The following CDC42BPG variants were observed in gnomAD, a reference collection of about 807,000 sequenced individuals.
CDC42BPG encodes the protein CDC42 binding protein kinase gamma.
Under a neutral mutation model 192.2 loss-of-function variants are expected in CDC42BPG, and 157 were observed. That is an observed-to-expected ratio of 0.82 (90% confidence interval 0.72 to 0.93). CDC42BPG has a LOEUF of 0.93. CDC42BPG is among the 40% of genes least tolerant of loss of function. CDC42BPG has a pLI of 0.00. For missense variants in CDC42BPG, 1,992 were observed against 2,122.1 expected (o/e 0.94, Z 1.20); for synonymous variants, 981 against 918.5 (o/e 1.07, Z -1.23).
chr11:64,841,994 G>C, intron 1 of CDC42BPG, 90 bp from the exon 2 acceptor site: 2 of 1,069,384 alleles, frequency 1.9e-6, no homozygotes, highest in Non-Finnish European at 2.8e-6. Context: ...TGCCGCTCCT[G>C]TGAGCCCAGG....
intron 31 of CDC42BPG, 37 bp from the exon 32 acceptor site, chr11:64,827,648 A>AC: frequency 1.9e-6 from 3 of 1,603,478 alleles, no homozygotes; most frequent in South Asian, 1.1e-5. Flanking sequence ...CCACGCCTCC[A>AC]CCCCCGGCGC....
At position 64,827,398 on chromosome 11, in the gene CDC42BPG, T is replaced by C; in HGVS notation, c.4151A>G (p.Glu1384Gly). The C allele has an allele frequency of 6.2e-7, 1 of 1,613,102 alleles. No individual in the cohort carries two copies. The highest frequency in any genetic ancestry group is 8.5e-7 in the Non-Finnish European group (1 of 1,179,122). ...RLTYLRNQLA[E>G]KDEFDIPDLT... ...GTCCGGGATGTCGAACTCGTCCTTC[T>C]CTGTGGGAGAAGTGGAGAGCTGGGC... is the stretch of plus-strand genomic sequence containing the variant. Residue 1384 changes from glutamate (E) to glycine (G), a missense_variant and splice_region_variant, in exon 33 of 37, where the codon GAG becomes GGG. This residue lies in a region of CDC42BPG where 336 missense variants were observed against 277.9 expected (regional missense o/e 1.21). Transcript: ENST00000342711.
In CDC42BPG at chr11:64,824,345, G is replaced by C; in HGVS notation, c.*128C>G. The C allele has an allele frequency of 1.3e-6, 1 of 786,018 alleles. No individual in the cohort carries two copies. Among genetic ancestry groups the C allele is most frequent in the Non-Finnish European group, 2.3e-6 (1 of 432,230 alleles). The allele number at this position is 786,018 out of a possible 1,614,324, so 48.7% of individuals were successfully genotyped here. On this transcript the variant is annotated 3_prime_UTR_variant, in exon 37 of 37. Coordinates refer to ENST00000342711, the MANE Select transcript of CDC42BPG (RefSeq NM_017525.3). ...AACCCAGGCAAGTCTCCCAGTCATT[G>C]CCCAGCCCGGGTCCTCCCTGAGTCC...
rs1392382017 is a variant in CDC42BPG at position 64,830,044 on chromosome 11, G to A, written c.3394C>T (p.Arg1132Cys). 1.9e-6 allele frequency: 3 copies of A among 1,612,490 alleles called. No homozygotes were observed. Among genetic ancestry groups the A allele is most frequent in the South Asian group, 1.1e-5 (1 of 91,074 alleles). ...NDIFQVGECR[R>C]VQQLTLSPSA... The stretch of plus-strand genomic sequence containing the variant: ...GGGCTCAAGGTCAGCTGCTGCACGC[G>A]CCGGCACTCCCCCACCTGGAAGATG... Residue 1132 changes from arginine (R) to cysteine (C), a missense_variant, in exon 30 of 37, where the codon CGC (arginine) becomes TGC (cysteine). This residue lies in a region of CDC42BPG where 1,656 missense variants were observed against 1,844.3 expected (regional missense o/e 0.90). Transcript: ENST00000342711.
Position 64,829,861 on chromosome 11 carries a change from G to C in CDC42BPG, c.3577C>G (p.Pro1193Ala). The C allele has an allele frequency of 6.2e-7, 1 of 1,608,136 alleles. No individual in the cohort carries two copies. Among genetic ancestry groups the C allele is most frequent in the Non-Finnish European group, 8.5e-7 (1 of 1,178,246 alleles). ...CGCTTGACGGCTACACAGAGCACCG[G>C]GGTGCGGGCCTGCAGGATGCTTCCA... ...AAGSILQART[P>A]VLCVAVKRQV... The change falls in exon 30 of 37, where the codon CCG (proline) becomes GCG (alanine). Residue 1193 changes from proline (P) to alanine (A), a missense_variant. Pro to Ala is a conservative substitution (Grantham distance 27). Around this residue, in one of 2 missense-constraint regions of CDC42BPG, gnomAD observed 1,656 missense variants for 1,844.3 expected, o/e 0.90. Transcript: ENST00000342711.
intron 36 of CDC42BPG, 77 bp from the exon 37 acceptor site, chr11:64,824,606 G>A: frequency 1.0e-6 from 1 of 974,280 alleles, no homozygotes; most frequent in East Asian, 2.4e-5. Flanking sequence ...GGGTCCTGGA[G>A]GCCCCCTTAG....
At chr11:64,830,790 T>C (rs1942649657) in intron 28 of CDC42BPG, among the ~76,000 whole-genome samples, 1 of 152,206 alleles carries the variant, frequency 6.6e-6, no homozygotes, top group Admixed American at 6.5e-5. Context: ...GGTTCAAGGC[T>C]GAGCACAAGT....
rs553574379 is a variant in CDC42BPG, at chr11:64,835,978, C to CGTCCCA, written c.1668+133_1669-128dup. The CGTCCCA allele has an allele frequency of 3.6e-4, 469 of 1,300,736 alleles. 1 individual carries two copies. In the African/African-American group the frequency reaches 6.3e-3, roughly 17 times the overall value. 80.6% of individuals were successfully genotyped at this position (1,300,736 alleles called of 1,614,324 possible). A position where few individuals can be genotyped will look rare whatever the true frequency, so the allele number is the denominator to read the frequency against. On this transcript the variant is annotated intron_variant, in intron 13 of 36. Coordinates refer to ENST00000342711, the MANE Select transcript of CDC42BPG (RefSeq NM_017525.3). ...GGAGGCATGGACTCCCAGACTGCCCCGTCCCAGCCACCATCCCCTGGCCTA... is the reference window on the plus strand; with the variant it reads ...GGAGGCATGGACTCCCAGACTGCCCCGTCCCAGTCCCAGCCACCATCCCCTGGCCTA...
chr11:64,829,696 G>C lies in CDC42BPG; in HGVS notation c.3742C>G (p.Leu1248Val). Reference sequence around the variant, plus strand: ...GCAGCCTCGTTGAGCAGCGGGTAGAGTGCAAAGCCACCGGCGGCGCCCACA... The same window carrying C: ...GCAGCCTCGTTGAGCAGCGGGTAGACTGCAAAGCCACCGGCGGCGCCCACA... ...LCVGAAGGFA[L>V]YPLLNEAAPL... The change falls in exon 30 of 37, where the codon CTC becomes GTC. Residue 1248 changes from leucine to valine, a missense_variant. Coordinates refer to ENST00000342711, the MANE Select transcript of CDC42BPG (RefSeq NM_017525.3). 1 of 1,611,412 alleles carries C rather than the reference G, an allele frequency of 6.2e-7. No individual in the cohort carries two copies. Among genetic ancestry groups the C allele is most frequent in the Middle Eastern group, 1.7e-4 (1 of 6,036 alleles).
Position 64,833,808 on chromosome 11 carries a change from G to A in CDC42BPG, c.2495C>T (p.Ser832Leu). 6.2e-7 allele frequency: 1 copy of A among 1,614,250 alleles called. No individual in the cohort carries two copies. The highest frequency in any genetic ancestry group is 8.5e-7 in the Non-Finnish European group (1 of 1,180,034). ...TCCTCCATGCCTTGTGGCCTCTCCT[G>A]AGATGCCAGGGTCCTTGGCAGAATC... ...EKDSAKDPGISGEATRHGGEP... is the reference protein window; with the variant it reads ...EKDSAKDPGILGEATRHGGEP... The change falls in exon 22 of 37, where the codon TCA becomes TTA. Residue 832 changes from serine to leucine, a missense_variant. This residue lies in a region of CDC42BPG where 1,656 missense variants were observed against 1,844.3 expected (regional missense o/e 0.90). Coordinates refer to ENST00000342711, the MANE Select transcript of CDC42BPG (RefSeq NM_017525.3).
In CDC42BPG at chr11:64,834,341, C is replaced by A. The variant is rs374587245; in HGVS notation, c.2338G>T (p.Ala780Ser). 10 of 1,572,568 alleles carry A rather than the reference C, an allele frequency of 6.4e-6. No individual in the cohort carries two copies. The Admixed American group carries it at 7.3e-5, about 11-fold the overall frequency. Residue 780 changes from alanine (A) to serine (S), a missense_variant, in exon 20 of 37, where the codon GCC (alanine) becomes TCC (serine). Coordinates refer to ENST00000342711, the MANE Select transcript of CDC42BPG (RefSeq NM_017525.3). Reference protein sequence around the residue: ...QLQAERRLQEAEKQSQALQQE... With the variant: ...QLQAERRLQESEKQSQALQQE... The stretch of plus-strand genomic sequence containing the variant: ...TGCAGGGCCTGGCTCTGCTTCTCGG[C>A]CTCCTGCAGACGGCTGGGGAGAATG...
At position 64,826,399 on chromosome 11, in the gene CDC42BPG, C is replaced by T. The variant is rs555841078; in HGVS notation, c.4599+71G>A. The T allele has an allele frequency of 2.3e-4, 243 of 1,069,428 alleles. 1 individual carries two copies. Among genetic ancestry groups the T allele is most frequent in the Middle Eastern group, 4.0e-4 (2 of 5,060 alleles). 66.2% of individuals were successfully genotyped at this position (1,069,428 alleles called of 1,614,324 possible). On this transcript the variant is annotated intron_variant, in intron 36 of 36. Transcript: ENST00000342711. ...TTGTTCCCTAGCCTAGGTCACTGTG[C>T]AAGGCCTAGCATAAAACGGAACTGC...
At chr11:64,826,841 G>A (rs757443824) in intron 34 of CDC42BPG, 47 bp from the exon 35 acceptor site, 2 of 1,466,628 alleles carry the variant, frequency 1.4e-6, no homozygotes, top group South Asian at 1.4e-5. Flanking sequence ...GGCACAAGGA[G>A]GACAAGAGGC....
chr11:64,837,028 G>A lies in CDC42BPG; in HGVS notation c.1206-9C>T, dbSNP rs576282271. The A allele has an allele frequency of 3.1e-6, 5 of 1,607,434 alleles. No individual in the cohort carries two copies. Among genetic ancestry groups the A allele is most frequent in the Non-Finnish European group, 4.3e-6 (5 of 1,174,552 alleles). On this transcript the variant is annotated splice_polypyrimidine_tract_variant and intron_variant, in intron 9 of 36. Transcript: ENST00000342711. ...TGCTCTCAGGACTGTGACTGTAGGG[G>A]GACAGGGGCCATGTTTGTTGGTAGA...
chr11:64,842,589 T>C (rs1344901106), intron 1 of CDC42BPG, among the ~76,000 whole-genome samples: 1 of 152,140 alleles, frequency 6.6e-6, no homozygotes, highest in Admixed American at 6.5e-5. Flanking sequence ...AAGGCGTGAG[T>C]GCTCAGGATG....
Position 64,831,540 on chromosome 11 carries a change from G to A in CDC42BPG, c.3269C>T (p.Pro1090Leu), listed in dbSNP as rs375240234. 2.8e-5 allele frequency: 45 copies of A among 1,611,392 alleles called. No individual in the cohort carries two copies. The highest frequency in any genetic ancestry group is 2.5e-4 in the South Asian group (23 of 91,018). The change falls in exon 28 of 37, where the codon CCG (proline) becomes CTG (leucine). Residue 1090 changes from proline to leucine, a missense_variant. By Grantham distance (98) the Pro-to-Leu change is moderately conservative (BLOSUM62 -3). Coordinates refer to ENST00000342711, the MANE Select transcript of CDC42BPG (RefSeq NM_017525.3). ...TLKEAYDNGL[P>L]LLPHTLCAAI... ...AGCGCAGAGCGTGTGAGGCAGCAGC[G>A]GCAGCCCGTTGTCGTAAGCCTCCTT...
intron 36 of CDC42BPG, among the ~76,000 whole-genome samples, chr11:64,826,067 GAA>G (rs10692629): frequency 6.0e-5 from 8 of 133,988 alleles, no homozygotes; most frequent in Non-Finnish European, 7.8e-5. Context: ...ACTCCATCTG[GAA>G]AAAAAAAAAA....
Position 64,836,428 on chromosome 11 carries a change from C to T in CDC42BPG, c.1487G>A (p.Arg496Gln), listed in dbSNP as rs768977915. 78 of 1,613,360 alleles carry T rather than the reference C, an allele frequency of 4.8e-5. No individual in the cohort carries two copies. Among genetic ancestry groups the T allele is most frequent in the South Asian group, 2.9e-4 (26 of 91,078 alleles). Residue 496 changes from arginine (R) to glutamine (Q), a missense_variant and splice_region_variant, in exon 12 of 37, where the codon CGG becomes CAG. Arg to Gln is a conservative substitution (Grantham distance 43). This residue lies in a region of CDC42BPG where 1,656 missense variants were observed against 1,844.3 expected (regional missense o/e 0.90). Transcript: ENST00000342711. ...TCACCCACCTCACCCAGCCCTCACCCGGTGAAGTCGGTCAAGCTCCTGCCG... is the reference window on the plus strand; with the variant it reads ...TCACCCACCTCACCCAGCCCTCACCTGGTGAAGTCGGTCAAGCTCCTGCCG... ...DLRQELDRLH[R>Q]ELAEGRAGLQ...
chr11:64,835,017 T>TGGCCCCCC, intron 17 of CDC42BPG, 30 bp downstream of exon 17: 8 of 1,571,940 alleles, frequency 5.1e-6, no homozygotes, highest in African/African-American at 1.3e-5. Context: ...TCGCCTGCGT[T>TGGCCCCCC]CCCCACCCCG....
Sources: gnomAD v4.1 joint callset for allele counts (sites outside exome capture counted in the v4.1 genomes callset) on GRCh38, gnomAD v4.1.1 for gene constraint, gnomAD v4.1.1 regional missense constraint, MANE v1.5 for transcripts, NCBI Gene and HGNC (gene_info 2026-07-23, HGNC 2026-07-21) for gene names.